The following RNF212 variants were observed in gnomAD, a reference collection of about 807,000 sequenced individuals.
RNF212 encodes the protein probable E3 SUMO-protein ligase RNF212.
A neutral mutation model predicts 34.7 loss-of-function variants in RNF212; 33 were observed. The ratio of observed to expected loss-of-function variants is 0.95; its 90% CI spans 0.72 to 1.27. The LOEUF (loss-of-function observed/expected upper bound fraction) is 1.27. RNF212 is among the 50% of genes most tolerant of loss of function. The pLI is 0.00. For synonymous variants in RNF212, 140 were observed against 136.1 expected (o/e 1.03, Z -0.20); for missense variants, 377 against 362.2 (o/e 1.04, Z -0.33).
downstream of RNF212, among the ~76,000 whole-genome samples, chr4:1,066,650 G>A (rs1007320519): frequency 6.6e-6 from 1 of 152,128 alleles, no homozygotes; most frequent in African/African-American, 2.4e-5. Flanking sequence ...TTTTGAATCA[G>A]GTTGTTCGTT....
At chr4:1,077,353 A>G (rs1197824541) in intron 8 of RNF212, among the ~76,000 whole-genome samples, 1 of 152,230 alleles carries the variant, frequency 6.6e-6, no homozygotes, top group Non-Finnish European at 1.5e-5. Flanking sequence ...TTCCAACAGT[A>G]GCACCTAGTG....
rs569871252 is a variant in RNF212 at position 1,072,917 on chromosome 4, A to C, written c.851T>G (p.Val284Gly). 1 of 1,613,696 alleles carries C rather than the reference A, an allele frequency of 6.2e-7. No individual in the cohort carries two copies. The highest frequency in any genetic ancestry group is 1.7e-5 in the Admixed American group (1 of 59,972). Residue 284 changes from valine to glycine, a missense_variant, in exon 10 of 10, where the codon GTT becomes GGT. Coordinates refer to ENST00000433731, the MANE Select transcript of RNF212 (RefSeq NM_001131034.4). ...LDTFRTPAVS[V>G]VFPLCQFERK... is the part of the protein sequence containing the mutation. ...TTCAAATTGGCAAAGAGGAAACACA[A>C]CAGACACAGCGGGTGTTCTGAACGT...
chr4:1,083,267 G>A (rs1469094740), intron 5 of RNF212, among the ~76,000 whole-genome samples: 1 of 152,218 alleles, frequency 6.6e-6, no homozygotes, highest in Non-Finnish European at 1.5e-5. Flanking sequence ...AGACGAAGAT[G>A]CAACAATGAG....
chr4:1,085,226 C>T (rs1346583977), intron 5 of RNF212, among the ~76,000 whole-genome samples: 6 of 152,254 alleles, frequency 3.9e-5, no homozygotes. Flanking sequence ...ACTGTGGTAA[C>T]TGAACTCTGG....
chr4:1,095,305 C>T, intron 3 of RNF212, among the ~76,000 whole-genome samples: 1 of 81,812 alleles, frequency 1.2e-5, no homozygotes, highest in Non-Finnish European at 2.3e-5. Flanking sequence ...CGGGATAGCG[C>T]ACCTGGCTCA....
downstream of RNF212, among the ~76,000 whole-genome samples, chr4:1,067,821 T>C (rs1718186940): frequency 6.9e-6 from 1 of 145,820 alleles, no homozygotes; most frequent in Non-Finnish European, 1.5e-5. Flanking sequence ...TGAGCTTAGA[T>C]GGCACCACTG....
chr4:1,078,925 G>A lies in RNF212; in HGVS notation c.510+718C>T, dbSNP rs570742029. Among the ~76,000 whole-genome samples the A allele has an allele frequency of 4.4e-3, 661 of 151,004 alleles. 52 individuals are homozygous for A. Among genetic ancestry groups the A allele is most frequent in the African/African-American group, 0.015 (615 of 40,602 alleles). On this transcript the variant is annotated intron_variant, in intron 8 of 9. Transcript: ENST00000433731. ...CAGGGTCAACACAGGACCAACACGG[G>A]ACCAACACAGGGTCAACACAGGACC...
rs1352264851 is a variant in RNF212 at position 1,095,414 on chromosome 4, G to A, written c.246+1351C>T. ...ACAACTCCCACAGCTCCATGGTCTC[G>A]GGATAGCGCACCTGGCTCATCACAG... On this transcript the variant is annotated intron_variant, in intron 3 of 9. Coordinates refer to ENST00000433731, the MANE Select transcript of RNF212 (RefSeq NM_001131034.4). 3.4e-4 allele frequency among the ~76,000 whole-genome samples: 7 copies of A among 20,756 alleles called. 1 individual carries two copies. The highest frequency in any genetic ancestry group is 2.5e-3 in the East Asian group (2 of 796). The allele number at this position is 20,756 out of a possible 152,430, so 13.6% of individuals were successfully genotyped here.
At chr4:1,107,919 A>G (rs1317452683) in intron 2 of RNF212, among the ~76,000 whole-genome samples, 1 of 152,266 alleles carries the variant, frequency 6.6e-6, no homozygotes, top group Non-Finnish European at 1.5e-5. Context: ...ACCAATAACA[A>G]GTTAAACTGA....
At chr4:1,107,010 T>C (rs1473582887) in intron 2 of RNF212, among the ~76,000 whole-genome samples, 2 of 152,184 alleles carry the variant, frequency 1.3e-5, no homozygotes, top group South Asian at 2.1e-4. Context: ...TGCAGTCCTT[T>C]TAAGAGTGAG....
chr4:1,086,992 G>A (rs1360367213), intron 4 of RNF212, among the ~76,000 whole-genome samples: 1 of 11,132 alleles, frequency 9.0e-5, no homozygotes. Context: ...GGACAGGGTG[G>A]GGGTGAGAAG....
intron 5 of RNF212, among the ~76,000 whole-genome samples, chr4:1,083,471 C>T (rs997055201): frequency 2.2e-4 from 34 of 152,010 alleles, no homozygotes; most frequent in African/African-American, 7.5e-4. Flanking sequence ...GGTGAAGCCC[C>T]GTCTCTACTA....
intron 5 of RNF212, among the ~76,000 whole-genome samples, chr4:1,084,443 A>G (rs1312907232): frequency 6.6e-6 from 1 of 152,054 alleles, no homozygotes; most frequent in Non-Finnish European, 1.5e-5. Context: ...ATGAAAATAC[A>G]TTGTGGCCGG....
chr4:1,083,944 C>CTT (rs1560119138), intron 5 of RNF212, among the ~76,000 whole-genome samples: 4 of 98,080 alleles, frequency 4.1e-5, no homozygotes, highest in African/African-American at 1.6e-4. Context: ...ACATTTTGTG[C>CTT]ATTTTTTTTT....
At chr4:1,087,964 A>AGTCTC (rs1721607744) in intron 4 of RNF212, among the ~76,000 whole-genome samples, 1 of 152,128 alleles carries the variant, frequency 6.6e-6, no homozygotes, top group Non-Finnish European at 1.5e-5. Flanking sequence ...TAAATCACCC[A>AGTCTC]GTCTCAGGTA....
chr4:1,066,214 T>C (rs1330713340), intron 3 of RNF212, among the ~76,000 whole-genome samples: 1 of 151,992 alleles, frequency 6.6e-6, no homozygotes, highest in African/African-American at 2.4e-5. Context: ...TGAGCCACTA[T>C]ACCCAGCTCT....
chr4:1,093,899 T>A (rs1172444250), intron 3 of RNF212: 1 of 1,536,004 alleles, frequency 6.5e-7, no homozygotes, highest in Non-Finnish European at 8.7e-7. Context: ...GACCCAGTGT[T>A]CTTGGGGATC....
intron 3 of RNF212, chr4:1,094,063 G>C (rs1343118183): frequency 6.0e-6 from 9 of 1,493,098 alleles, no homozygotes; most frequent in Non-Finnish European, 8.0e-6. Flanking sequence ...CCCAGAGGAG[G>C]ACAGTCTTGG....
At chr4:1,106,284 AC>A (rs1254222495) in intron 2 of RNF212, among the ~76,000 whole-genome samples, 1 of 151,594 alleles carries the variant, frequency 6.6e-6, no homozygotes, top group Non-Finnish European at 1.5e-5. Context: ...ACACACACAC[AC>A]ACACAGTCAC....
Sources: gnomAD v4.1 joint callset for allele counts (sites outside exome capture counted in the v4.1 genomes callset) on GRCh38, gnomAD v4.1.1 for gene constraint, MANE v1.5 for transcripts, NCBI Gene and HGNC (gene_info 2026-07-23, HGNC 2026-07-21) for gene names.